The following ROBO2 variants were observed in gnomAD, a reference collection of about 807,000 sequenced individuals.
The protein encoded by ROBO2 is roundabout guidance receptor 2.
ROBO2 carries 53 observed loss-of-function variants against 160.8 expected under a neutral mutation model. The ratio of observed to expected loss-of-function variants is 0.33; its 90% CI spans 0.26 to 0.41. ROBO2 has a LOEUF of 0.41. ROBO2 is among the 10% of genes least tolerant of loss of function. ROBO2 has a pLI of 1.00. For missense variants in ROBO2, 1,577 were observed against 1,722.4 expected, an observed-to-expected ratio of 0.92 and a Z score of 1.49; for synonymous variants, 664 against 611.7, an observed-to-expected ratio of 1.09 and a Z score of -1.26.
intron 2 of ROBO2, among the ~76,000 whole-genome samples, chr3:77,228,125 T>C (rs1580187245): frequency 6.6e-6 from 1 of 152,282 alleles, no homozygotes; most frequent in East Asian, 1.9e-4. Flanking sequence ...TTTTCTGTAT[T>C]ATAGTATCCA....
intron 2 of ROBO2, among the ~76,000 whole-genome samples, chr3:77,202,644 C>A (rs957788216): frequency 1.3e-5 from 2 of 152,118 alleles, no homozygotes; most frequent in East Asian, 3.9e-4. Flanking sequence ...TTACTTGACT[C>A]CCCGACTTCA....
At chr3:76,380,316 T>C (rs1054032610) in intron 2 of ROBO2, among the ~76,000 whole-genome samples, 2 of 152,200 alleles carry the variant, frequency 1.3e-5, no homozygotes, top group African/African-American at 2.4e-5. Flanking sequence ...ATGTAATATA[T>C]GAAAAAGTAC....
At chr3:76,455,218 C>T (rs1211491183) in intron 2 of ROBO2, among the ~76,000 whole-genome samples, 6 of 152,078 alleles carry the variant, frequency 3.9e-5, no homozygotes, top group Non-Finnish European at 8.8e-5. Flanking sequence ...AGCTTCCTTG[C>T]TTTCAAAAAA....
At chr3:76,878,328 A>G (rs1017732371) in intron 2 of ROBO2, among the ~76,000 whole-genome samples, 1 of 152,210 alleles carries the variant, frequency 6.6e-6, no homozygotes, top group Non-Finnish European at 1.5e-5. Context: ...ATGAAATGAA[A>G]TAAAGACAAA....
intron 2 of ROBO2, among the ~76,000 whole-genome samples, chr3:76,348,018 G>A (rs1327037637): frequency 1.3e-5 from 2 of 152,142 alleles, no homozygotes; most frequent in Non-Finnish European, 2.9e-5. Context: ...TACCTTTGAG[G>A]CTTCAAACAC....
At chr3:76,569,054 G>C (rs2084792143) in intron 2 of ROBO2, among the ~76,000 whole-genome samples, 1 of 152,094 alleles carries the variant, frequency 6.6e-6, no homozygotes, top group African/African-American at 2.4e-5. Context: ...ATAAATCTCT[G>C]TATGTATTAT....
intron 2 of ROBO2, among the ~76,000 whole-genome samples, chr3:76,880,684 A>G (rs559322650): frequency 2.0e-5 from 3 of 152,288 alleles, no homozygotes; most frequent in African/African-American, 7.2e-5. Context: ...ATGTTCTCAT[A>G]TATGATCCTT....
intron 2 of ROBO2, among the ~76,000 whole-genome samples, chr3:77,249,516 A>G (rs1434481670): frequency 2.6e-5 from 4 of 152,216 alleles, no homozygotes; most frequent in South Asian, 2.1e-4. Flanking sequence ...GTCCTTAGCT[A>G]TAGCAGCCAG....
intron 2 of ROBO2, among the ~76,000 whole-genome samples, chr3:76,053,817 A>T (rs73842915): frequency 0.021 from 3,125 of 152,164 alleles, 43 homozygotes; most frequent in East Asian, 0.081. Flanking sequence ...TATCTTCTTA[A>T]ATGAACTCTT....
chr3:75,912,719 A>G (rs1441419837), intron 1 of ROBO2, among the ~76,000 whole-genome samples: 3 of 152,222 alleles, frequency 2.0e-5, no homozygotes, highest in East Asian at 3.8e-4. Flanking sequence ...TCTCTAAGTT[A>G]TACATACTGG....
chr3:77,342,277 G>T (rs189258357), intron 2 of ROBO2, among the ~76,000 whole-genome samples: 19 of 152,236 alleles, frequency 1.2e-4, no homozygotes, highest in African/African-American at 4.1e-4. Flanking sequence ...TCCATTGTCA[G>T]TGTGTAAAAG....
At chr3:76,136,523 A>G (rs1458083933) in intron 2 of ROBO2, among the ~76,000 whole-genome samples, 1 of 152,084 alleles carries the variant, frequency 6.6e-6, no homozygotes, top group Admixed American at 6.6e-5. Flanking sequence ...AGGAAAGAGA[A>G]ATGTCTAAAA....
At chr3:77,570,813 C>A (rs992474875) in intron 13 of ROBO2, among the ~76,000 whole-genome samples, 5 of 151,916 alleles carry the variant, frequency 3.3e-5, no homozygotes, top group Admixed American at 1.3e-4. Context: ...AATTCCCCAC[C>A]ATGTGATTAG....
intron 6 of ROBO2, among the ~76,000 whole-genome samples, chr3:77,544,037 A>G (rs949562302): frequency 1.3e-5 from 2 of 151,554 alleles, no homozygotes; most frequent in African/African-American, 4.8e-5. Flanking sequence ...ATAACTATAT[A>G]CTCATTCTTA....
intron 2 of ROBO2, among the ~76,000 whole-genome samples, chr3:76,094,137 C>T (rs1210781720): frequency 6.7e-6 from 1 of 149,558 alleles, no homozygotes; most frequent in Non-Finnish European, 1.5e-5. Context: ...CTCGCACTCA[C>T]ACACACACAC....
chr3:76,957,887 G>C (rs1483068329), intron 2 of ROBO2, among the ~76,000 whole-genome samples: 1 of 152,026 alleles, frequency 6.6e-6, no homozygotes, highest in Admixed American at 6.6e-5. Flanking sequence ...ATGAGCCTGA[G>C]GATGCTGTGT....
intron 1 of ROBO2, among the ~76,000 whole-genome samples, chr3:75,922,329 A>T (rs1487205299): frequency 6.6e-6 from 1 of 152,190 alleles, no homozygotes; most frequent in African/African-American, 2.4e-5. Context: ...CATTACGGTT[A>T]AAACTAAATA....
chr3:76,256,960 A>G (rs2107578765), intron 2 of ROBO2, among the ~76,000 whole-genome samples: 1 of 152,074 alleles, frequency 6.6e-6, no homozygotes, highest in South Asian at 2.1e-4. Context: ...CACATAAAAC[A>G]AGCAGATATC....
intron 14 of ROBO2, 124 bp downstream of exon 15, chr3:77,574,854 G>GT (rs1559644713): frequency 2.7e-6 from 2 of 733,710 alleles, no homozygotes; most frequent in Non-Finnish European, 4.7e-6. Flanking sequence ...AGGAAGTGTC[G>GT]TTTTCTCCTT....
Sources: gnomAD v4.1 joint callset for allele counts (sites outside exome capture counted in the v4.1 genomes callset) on GRCh38, gnomAD v4.1.1 for gene constraint, MANE v1.5 for transcripts, NCBI Gene and HGNC (gene_info 2026-07-23, HGNC 2026-07-21) for gene names.